RGS3: variants seen among roughly 807,000 people sequenced by gnomAD.
RGS3 encodes the protein regulator of G protein signaling 3, also known as regulator of G-protein signalling 3.
A neutral mutation model predicts 132.6 loss-of-function variants in RGS3; 80 were observed. The observed-to-expected ratio is 0.60, with a 90% CI of 0.50 to 0.73. The LOEUF is 0.73. RGS3 is among the 30% of genes least tolerant of loss of function. The pLI is 0.00. For synonymous variants in RGS3, 598 were observed against 620.6 expected, an observed-to-expected ratio of 0.96 and a Z score of 0.54; for missense variants, 1,382 against 1,530.8, an observed-to-expected ratio of 0.90 and a Z score of 1.62.
chr9:113,558,148 G>A (rs183080668), intron 19 of RGS3, among the ~76,000 whole-genome samples: 18 of 152,312 alleles, frequency 1.2e-4, no homozygotes, highest in Admixed American at 3.3e-4. Context: ...ATAGCAGGAG[G>A]GGTCTGCAAA....
intron 20 of RGS3, among the ~76,000 whole-genome samples, chr9:113,587,080 G>T (rs12348239): frequency 0.089 from 13,550 of 152,234 alleles, 688 homozygotes; most frequent in Non-Finnish European, 0.097. Flanking sequence ...CAGGCACTTG[G>T]CTTACAGTGG....
intron 3 of RGS3, among the ~76,000 whole-genome samples, chr9:113,475,301 G>A (rs1447388097): frequency 2.0e-5 from 3 of 152,150 alleles, no homozygotes; most frequent in Non-Finnish European, 4.4e-5. Context: ...ACCTCGATGA[G>A]GATGACTTCA....
intron 3 of RGS3, among the ~76,000 whole-genome samples, chr9:113,472,989 T>C (rs1162188691): frequency 1.3e-5 from 2 of 152,164 alleles, no homozygotes; most frequent in Admixed American, 1.3e-4. Flanking sequence ...TACAGTGAGC[T>C]GAGATCATGT....
At chr9:113,572,554 C>A (rs1018373403) in intron 19 of RGS3, among the ~76,000 whole-genome samples, 2 of 152,176 alleles carry the variant, frequency 1.3e-5, no homozygotes, top group Non-Finnish European at 2.9e-5. Context: ...CCAGTGCCCC[C>A]AGCGCTGCAG....
At chr9:113,449,863 C>T (rs527977600) in intron 1 of RGS3, among the ~76,000 whole-genome samples, 1 of 151,590 alleles carries the variant, frequency 6.6e-6, no homozygotes, top group East Asian at 2.0e-4. Flanking sequence ...CTGCCTCAGC[C>T]TCCTGAGTAG....
At chr9:113,539,305 GTC>G (rs1250255800) in intron 19 of RGS3, among the ~76,000 whole-genome samples, 2 of 152,298 alleles carry the variant, frequency 1.3e-5, no homozygotes, top group East Asian at 3.9e-4. Flanking sequence ...AGGTATAAGG[GTC>G]CTGCTGGACC....
intron 10 of RGS3, among the ~76,000 whole-genome samples, chr9:113,504,664 C>T (rs1016413467): frequency 3.9e-5 from 6 of 152,214 alleles, no homozygotes; most frequent in Non-Finnish European, 7.3e-5. Flanking sequence ...TCCACAGAGC[C>T]TGGCATGCTG....
intron 22 of RGS3, 56 bp downstream of exon 20, chr9:113,594,587 AGT>A (rs1835656824): frequency 3.6e-6 from 5 of 1,386,840 alleles, no homozygotes; most frequent in African/African-American, 1.4e-5. Flanking sequence ...CTCCCCGGGG[AGT>A]AGGACTGAGT....
At chr9:113,458,106 G>A (rs914618092), upstream of RGS3, among the ~76,000 whole-genome samples, 3 of 152,120 alleles carry the variant, frequency 2.0e-5, no homozygotes, top group Non-Finnish European at 2.9e-5. Flanking sequence ...CAGTAGAGAC[G>A]GGGTTTCACC....
chr9:113,455,377 C>A (rs974863160), upstream of RGS3, among the ~76,000 whole-genome samples: 1 of 152,152 alleles, frequency 6.6e-6, no homozygotes, highest in African/African-American at 2.4e-5. Context: ...CCAAGTTGCT[C>A]ATTATCAGGC....
At chr9:113,461,653 T>A in intron 1 of RGS3, 2 of 1,557,692 alleles carry the variant, frequency 1.3e-6, no homozygotes, top group Non-Finnish European at 1.7e-6. Flanking sequence ...AGAATCTTTG[T>A]TCCCATTACC....
chr9:113,505,385 G>A, intron 10 of RGS3, 57 bp from the exon 9 acceptor site: 1 of 1,521,368 alleles, frequency 6.6e-7, no homozygotes, highest in Admixed American at 1.7e-5. Flanking sequence ...TCCTGACCTT[G>A]GGGTAGAGGC....
At position 113,482,875 on chromosome 9, in the gene RGS3, C is replaced by T. The variant is rs537107303; in HGVS notation, c.467-184C>T. The T allele has an allele frequency of 1.2e-5, 17 of 1,450,410 alleles. No homozygotes were observed. The South Asian group carries it at 2.3e-4, about 20-fold the overall frequency. 89.8% of individuals were successfully genotyped at this position (1,450,410 alleles called of 1,614,324 possible). A position where few individuals can be genotyped will look rare whatever the true frequency, so the allele number is the denominator to read the frequency against. ...GCCTAGACCAGAGCAGGTTCATAGC[C>T]AATGGTGGTTATGCAGATTAAGGGC... On this transcript the variant is annotated intron_variant, in intron 4 of 24. Coordinates refer to ENST00000350696, the Ensembl canonical transcript of RGS3.
chr9:113,538,656 C>T (rs72761999), intron 19 of RGS3, among the ~76,000 whole-genome samples: 6 of 152,044 alleles, frequency 3.9e-5, no homozygotes, highest in South Asian at 2.1e-4. Context: ...GACCCTGGAA[C>T]GGCCCAAGGG....
intron 7 of RGS3, among the ~76,000 whole-genome samples, chr9:113,495,305 G>A (rs1830646356): frequency 6.6e-6 from 1 of 152,234 alleles, no homozygotes; most frequent in African/African-American, 2.4e-5. Context: ...AGCAGCTTTT[G>A]TGTCAGGTTG....
chr9:113,564,376 G>A (rs1388023831), intron 19 of RGS3, among the ~76,000 whole-genome samples: 2 of 152,198 alleles, frequency 1.3e-5, no homozygotes, highest in Non-Finnish European at 1.5e-5. Flanking sequence ...CTGGCACGGA[G>A]TTCATGCTCA....
chr9:113,459,924 C>T (rs573654948), upstream of RGS3, among the ~76,000 whole-genome samples: 6 of 151,794 alleles, frequency 4.0e-5, no homozygotes, highest in South Asian at 1.3e-3. Context: ...CCTGTAATCT[C>T]AGCTACTCGG....
chr9:113,582,918 A>G (rs1834897217), intron 19 of RGS3: 1 of 163,148 alleles, frequency 6.1e-6, no homozygotes, highest in Non-Finnish European at 1.4e-5. Flanking sequence ...AAGCGTTCAG[A>G]GCACATTCTT....
At chr9:113,480,062 T>A (rs990047391) in intron 4 of RGS3, among the ~76,000 whole-genome samples, 1 of 152,216 alleles carries the variant, frequency 6.6e-6, no homozygotes, top group Non-Finnish European at 1.5e-5. Context: ...GGTAATACTA[T>A]GTATCTTACA....
Sources: gnomAD v4.1 joint callset for allele counts (sites outside exome capture counted in the v4.1 genomes callset) on GRCh38, gnomAD v4.1.1 for gene constraint, MANE v1.5 for transcripts, NCBI Gene and HGNC (gene_info 2026-07-23, HGNC 2026-07-21) for gene names.